The following FAR2 variants were observed in gnomAD, a reference collection of about 807,000 sequenced individuals.
The protein encoded by FAR2 is fatty acyl-CoA reductase 2, also known as epididymis secretory protein Li 81.
A neutral mutation model predicts 56.0 loss-of-function variants in FAR2; 19 were observed. The observed-to-expected ratio is 0.34, with a 90% CI of 0.24 to 0.50. The LOEUF (loss-of-function observed/expected upper bound fraction) is 0.50. Among genes scored for constraint, FAR2 ranks in the 20% least tolerant of loss-of-function variants. The probability of loss-of-function intolerance (pLI) is 0.98; values close to 1 mark genes in which losing one functional copy is unlikely to be tolerated. For synonymous variants in FAR2, 219 were observed against 218.8 expected (o/e 1.00, Z -0.01); for missense variants, 508 against 642.2 (o/e 0.79, Z 2.26).
chr12:29,241,132 A>G (rs182081410), intron 1 of FAR2, among the ~76,000 whole-genome samples: 72 of 152,320 alleles, frequency 4.7e-4, no homozygotes, highest in Non-Finnish European at 3.5e-4. Flanking sequence ...GCTAGTATTG[A>G]AAGTGCCACT....
At chr12:29,205,642 G>C (rs1947470511) in intron 1 of FAR2, among the ~76,000 whole-genome samples, 1 of 152,118 alleles carries the variant, frequency 6.6e-6, no homozygotes, top group South Asian at 2.1e-4. Flanking sequence ...CTTTAAATCT[G>C]GATGAAATAA....
intron 11 of FAR2, 100 bp downstream of exon 11, chr12:29,332,827 G>A (rs1949751553): frequency 8.6e-7 from 1 of 1,167,502 alleles, no homozygotes; most frequent in East Asian, 2.6e-5. Context: ...CATTTCTTGA[G>A]CATTTACTAC....
At chr12:29,195,952 G>A (rs886302281) in intron 1 of FAR2, among the ~76,000 whole-genome samples, 1 of 152,082 alleles carries the variant, frequency 6.6e-6, no homozygotes, top group Non-Finnish European at 1.5e-5. Flanking sequence ...AGAACATGCT[G>A]TATTTGACTT....
intron 1 of FAR2, among the ~76,000 whole-genome samples, chr12:29,193,088 A>AT (rs200230261): frequency 0.017 from 2,622 of 151,332 alleles, 67 homozygotes; most frequent in African/African-American, 0.054. Flanking sequence ...TAAAGCTTTT[A>AT]TTTTTTTTTA....
chr12:29,266,150 C>T (rs73061899), intron 1 of FAR2, among the ~76,000 whole-genome samples: 1 of 152,114 alleles, frequency 6.6e-6, no homozygotes, highest in African/African-American at 2.4e-5. Context: ...AGCAATCCCA[C>T]AGCTAGGTAT....
intron 4 of FAR2, among the ~76,000 whole-genome samples, chr12:29,301,009 A>C (rs1312523243): frequency 1.3e-5 from 2 of 151,966 alleles, no homozygotes; most frequent in African/African-American, 4.8e-5. Flanking sequence ...TGCAGGCCTA[A>C]AGTCTCTGCT....
chr12:29,243,636 T>C (rs2136667192), intron 1 of FAR2, among the ~76,000 whole-genome samples: 1 of 152,274 alleles, frequency 6.6e-6, no homozygotes, highest in East Asian at 1.9e-4. Context: ...TGTTGATATA[T>C]CCTGGTCATT....
intron 1 of FAR2, among the ~76,000 whole-genome samples, chr12:29,150,872 A>T (rs1012514914): frequency 2.0e-5 from 3 of 152,232 alleles, no homozygotes; most frequent in Non-Finnish European, 4.4e-5. Context: ...AAAGAGATGT[A>T]AATCACCATG....
chr12:29,153,472 C>T (rs961538729), intron 1 of FAR2, among the ~76,000 whole-genome samples: 20 of 152,170 alleles, frequency 1.3e-4, no homozygotes, highest in East Asian at 1.2e-3. Context: ...TAGGTGAGGG[C>T]GCTGCTGAGA....
intron 1 of FAR2, among the ~76,000 whole-genome samples, chr12:29,161,313 T>G (rs1456648424): frequency 6.6e-6 from 1 of 152,218 alleles, no homozygotes; most frequent in African/African-American, 2.4e-5. Flanking sequence ...GATTATCCAC[T>G]GTCTTGACTT....
rs1949765983 is a variant in FAR2, at chr12:29,333,909, C to A, written c.*115C>A. 1.1e-5 allele frequency: 11 copies of A among 979,294 alleles called. No homozygotes were observed. Among genetic ancestry groups the A allele is most frequent in the Non-Finnish European group, 1.5e-6 (1 of 657,468 alleles). The allele number at this position is 979,294 out of a possible 1,614,324, so 60.7% of individuals were successfully genotyped here. ...ATATGCCCAAACTGTCAAATGTCACCTGTTATGTATTCGTCCCTATTCCTT... is the reference window on the plus strand; with the variant it reads ...ATATGCCCAAACTGTCAAATGTCACATGTTATGTATTCGTCCCTATTCCTT... On this transcript the variant is annotated 3_prime_UTR_variant, in exon 12 of 12. Coordinates refer to ENST00000536681, the MANE Select transcript of FAR2 (RefSeq NM_001271783.2).
At position 29,327,467 on chromosome 12, in the gene FAR2, C is replaced by G. The variant is rs545526608; in HGVS notation, c.1258-5133C>G. 4.6e-5 allele frequency among the ~76,000 whole-genome samples: 7 copies of G among 152,250 alleles called. No homozygotes were observed. The East Asian group carries it at 1.4e-3, about 29-fold the overall frequency. Reference sequence around the variant, plus strand: ...CCAAGTCAATCCTAAACCAAAAGAACAAAACTGGAGGCATCAGGCTACCTG... The same window carrying G: ...CCAAGTCAATCCTAAACCAAAAGAAGAAAACTGGAGGCATCAGGCTACCTG... On this transcript the variant is annotated intron_variant, in intron 10 of 11. Transcript: ENST00000536681.
At chr12:29,333,493 A>C in intron 11 of FAR2, 139 bp from the exon 12 acceptor site, 1 of 728,112 alleles carries the variant, frequency 1.4e-6, no homozygotes, top group Non-Finnish European at 2.2e-6. Context: ...GCAGAAACCA[A>C]TTGGCCAAGT....
chr12:29,192,982 C>T (rs1206672098), intron 1 of FAR2, among the ~76,000 whole-genome samples: 1 of 152,156 alleles, frequency 6.6e-6, no homozygotes, highest in East Asian at 1.9e-4. Context: ...CATTTGTTAA[C>T]AACGTGATTA....
At chr12:29,270,863 A>AT (rs1013480854) in intron 2 of FAR2, among the ~76,000 whole-genome samples, 102 of 152,342 alleles carry the variant, frequency 6.7e-4, no homozygotes, top group African/African-American at 2.3e-3. Context: ...GAGATTGTCT[A>AT]TGTCTGGAAA....
intron 4 of FAR2, among the ~76,000 whole-genome samples, chr12:29,303,782 A>G (rs1393116112): frequency 6.6e-6 from 1 of 152,278 alleles, no homozygotes; most frequent in Non-Finnish European, 1.5e-5. Context: ...CACAGCTTCA[A>G]AATGACATCT....
chr12:29,293,845 A>G (rs1310128389), intron 3 of FAR2, among the ~76,000 whole-genome samples: 3 of 152,218 alleles, frequency 2.0e-5, no homozygotes, highest in African/African-American at 7.2e-5. Flanking sequence ...TATATAATAT[A>G]TTAAACCAGT....
In FAR2 at chr12:29,332,762, A is replaced by C. The variant is rs138993481; in HGVS notation, c.1385+35A>C. ...ATCAGTCAGTTAATATTTATTGAGC[A>C]CCTACTGTGCATCGACTTTATACCA... On this transcript the variant is annotated intron_variant, in intron 11 of 11. Transcript: ENST00000536681. 266 of 1,583,928 alleles carry C rather than the reference A, an allele frequency of 1.7e-4. 2 individuals carry two copies. The African/African-American group carries it at 3.2e-3, about 19-fold the overall frequency.
At position 29,190,462 on chromosome 12, in the gene FAR2, A is replaced by T. The variant is rs187289353; in HGVS notation, c.-39+41055A>T. Among the ~76,000 whole-genome samples, 300 of 152,098 alleles carry T rather than the reference A, an allele frequency of 2.0e-3. 1 individual carries two copies. Among genetic ancestry groups the T allele is most frequent in the South Asian group, 4.8e-3 (23 of 4,818 alleles). On this transcript the variant is annotated intron_variant, in intron 1 of 11. Coordinates refer to ENST00000536681, the MANE Select transcript of FAR2 (RefSeq NM_001271783.2). ...ATAGTAGTTTTATTTTTAATTAATT[A>T]ATTAATTTATTTATTTATTGAGACG... is the stretch of plus-strand genomic sequence containing the variant.
Sources: allele counts gnomAD v4.1 joint callset (sites outside exome capture counted in the v4.1 genomes callset), GRCh38; gene constraint gnomAD v4.1.1; transcripts MANE v1.5; gene names NCBI Gene and HGNC (gene_info 2026-07-23, HGNC 2026-07-21).